The following TENM4 variants were observed in gnomAD, a reference collection of about 807,000 sequenced individuals.
TENM4 encodes the protein teneurin transmembrane protein 4.
Under a neutral mutation model 243.3 loss-of-function variants are expected in TENM4, and 82 were observed. The observed-to-expected ratio is 0.34, with a 90% CI of 0.28 to 0.40. TENM4 has a LOEUF of 0.40. Ranked by LOEUF, TENM4 falls within the 10% of genes least tolerant of loss-of-function variation. The pLI, the probability that TENM4 is intolerant of heterozygous loss-of-function variation, is 1.00. For synonymous variants in TENM4, 1,412 were observed against 1,456.3 expected (o/e 0.97, Z 0.69); for missense variants, 3,138 against 3,673.3 (o/e 0.85, Z 3.77).
At chr11:79,004,755 C>T (rs770154399) in intron 6 of TENM4, among the ~76,000 whole-genome samples, 13 of 151,734 alleles carry the variant, frequency 8.6e-5, no homozygotes, top group African/African-American at 1.2e-4. Context: ...AACATCAGAG[C>T]TGAATGGAAG....
Position 78,994,790 on chromosome 11 carries a change from CAG to C in TENM4, c.493+69946_493+69947del, listed in dbSNP as rs370326826. ...ATCAATCTCTGTTTTGTGTTAGGCA[CAG>C]GGGATTTTGTGGTGAATAAGACAAA... On this transcript the variant is annotated intron_variant, in intron 6 of 33. Coordinates refer to ENST00000278550, the MANE Select transcript of TENM4 (RefSeq NM_001098816.3). Among the ~76,000 whole-genome samples, 17 of 152,298 alleles carry C rather than the reference CAG, an allele frequency of 1.1e-4. No homozygotes were observed. In the South Asian group the frequency reaches 3.3e-3, roughly 30 times the overall value.
intron 6 of TENM4, among the ~76,000 whole-genome samples, chr11:79,001,032 A>C (rs996512855): frequency 6.6e-6 from 1 of 152,254 alleles, no homozygotes; most frequent in Admixed American, 6.5e-5. Context: ...CTCCATCTCA[A>C]AAAAAGGAAA....
chr11:78,755,997 A>G (rs1856296520), intron 19 of TENM4, among the ~76,000 whole-genome samples: 1 of 152,196 alleles, frequency 6.6e-6, no homozygotes, highest in African/African-American at 2.4e-5. Flanking sequence ...TATGCTGTTC[A>G]CTGCCCTGAT....
At chr11:79,420,316 G>C (rs1221252153) in intron 1 of TENM4, among the ~76,000 whole-genome samples, 1 of 152,158 alleles carries the variant, frequency 6.6e-6, no homozygotes, top group African/African-American at 2.4e-5. Context: ...AGAAAGAGAG[G>C]CAGCTTGCAG....
At chr11:78,844,390 T>C (rs1858334557) in intron 12 of TENM4, among the ~76,000 whole-genome samples, 1 of 152,212 alleles carries the variant, frequency 6.6e-6, no homozygotes, top group Admixed American at 6.5e-5. Context: ...ATGCCTGTAA[T>C]TCCAGCACTT....
intron 3 of TENM4, among the ~76,000 whole-genome samples, chr11:79,169,827 C>T (rs1862999062): frequency 6.6e-6 from 1 of 152,220 alleles, no homozygotes; most frequent in Non-Finnish European, 1.5e-5. Flanking sequence ...GAGATCTTAG[C>T]AGGGTCTTCC....
rs538754084 is a variant in TENM4, at chr11:79,058,755, G to C, written c.493+5983C>G. Among the ~76,000 whole-genome samples the C allele has an allele frequency of 2.0e-5, 3 of 152,268 alleles. No individual in the cohort carries two copies. In the South Asian group the frequency reaches 6.2e-4, roughly 32 times the overall value. Reference sequence around the variant, plus strand: ...TCTTTCTAGCTCACAGATTCCGAGAGGCTCAGAGGCTCTGGCTCTACCAGG... The same window carrying C: ...TCTTTCTAGCTCACAGATTCCGAGACGCTCAGAGGCTCTGGCTCTACCAGG... On this transcript the variant is annotated intron_variant, in intron 6 of 33. Coordinates refer to ENST00000278550, the MANE Select transcript of TENM4 (RefSeq NM_001098816.3).
At chr11:79,342,813 T>C (rs1002058695) in intron 1 of TENM4, among the ~76,000 whole-genome samples, 6 of 152,226 alleles carry the variant, frequency 3.9e-5, no homozygotes, top group Non-Finnish European at 8.8e-5. Flanking sequence ...TGGATTCCAG[T>C]TGGGCTCATT....
chr11:79,368,563 C>T (rs1261521463), intron 1 of TENM4, among the ~76,000 whole-genome samples: 1 of 152,224 alleles, frequency 6.6e-6, no homozygotes, highest in Non-Finnish European at 1.5e-5. Flanking sequence ...CAACTTCCAT[C>T]CTAGTGGTTA....
At chr11:79,268,570 A>T (rs1590839604) in intron 2 of TENM4, among the ~76,000 whole-genome samples, 1 of 152,278 alleles carries the variant, frequency 6.6e-6, no homozygotes, top group African/African-American at 2.4e-5. Flanking sequence ...GAATTTTGCT[A>T]TTCCCAGAAA....
intron 2 of TENM4, among the ~76,000 whole-genome samples, chr11:79,256,417 G>A (rs562466715): frequency 6.6e-6 from 1 of 152,178 alleles, no homozygotes; most frequent in Non-Finnish European, 1.5e-5. Flanking sequence ...GAGGCTGAAA[G>A]AGGGTAACTG....
At position 78,739,494 on chromosome 11, in the gene TENM4, T is replaced by C. The variant is rs114509018; in HGVS notation, c.2757-924A>G. Reference sequence around the variant, plus strand: ...TCCCTTCCACTAGATCCTGAGCTCTTTGAGGGTAGGTCAAGATTTCTTTCT... The same window carrying C: ...TCCCTTCCACTAGATCCTGAGCTCTCTGAGGGTAGGTCAAGATTTCTTTCT... On this transcript the variant is annotated intron_variant, in intron 19 of 33. Transcript: ENST00000278550. Among the ~76,000 whole-genome samples the C allele has an allele frequency of 7.1e-3, 1,076 of 152,222 alleles. 18 individuals are homozygous for C. Among genetic ancestry groups the C allele is most frequent in the African/African-American group, 0.025 (1,045 of 41,542 alleles).
At chr11:79,266,869 C>T (rs1268011998) in intron 2 of TENM4, among the ~76,000 whole-genome samples, 2 of 152,134 alleles carry the variant, frequency 1.3e-5, no homozygotes, top group African/African-American at 4.8e-5. Context: ...GATCTCTGCC[C>T]TTCAGTACCA....
At chr11:79,388,963 G>A (rs540445319) in intron 1 of TENM4, among the ~76,000 whole-genome samples, 2 of 152,284 alleles carry the variant, frequency 1.3e-5, no homozygotes, top group South Asian at 4.2e-4. Context: ...GGTGTTACTG[G>A]ACAAAGGCTG....
intron 6 of TENM4, among the ~76,000 whole-genome samples, chr11:79,037,015 C>CAAAAAAAAAAAAAAAAAAAAA (rs369421583): frequency 1.1e-5 from 1 of 91,084 alleles, no homozygotes; most frequent in African/African-American, 3.7e-5. Flanking sequence ...GACTCCATCT[C>CAAAAAAAAAAAAAAAAAAAAA]AAAAAAAAAA....
intron 2 of TENM4, among the ~76,000 whole-genome samples, chr11:79,279,184 C>A (rs1856112432): frequency 1.3e-5 from 2 of 152,332 alleles, no homozygotes; most frequent in South Asian, 4.1e-4. Context: ...GATTTCCAAT[C>A]TGATGATCTC....
intron 9 of TENM4, among the ~76,000 whole-genome samples, chr11:78,875,415 G>T (rs912958239): frequency 1.3e-5 from 2 of 152,086 alleles, no homozygotes; most frequent in Admixed American, 6.5e-5. Flanking sequence ...TGTTGGCCAG[G>T]CTATTCTCAA....
intron 1 of TENM4, among the ~76,000 whole-genome samples, chr11:79,302,421 T>C (rs1036310080): frequency 1.3e-5 from 2 of 152,234 alleles, no homozygotes; most frequent in African/African-American, 4.8e-5. Context: ...CTCTCCACCC[T>C]ATGTTTTGCC....
chr11:79,078,607 G>T (rs1298308117), intron 4 of TENM4, among the ~76,000 whole-genome samples: 1 of 152,166 alleles, frequency 6.6e-6, no homozygotes. Flanking sequence ...ACTGGAATCC[G>T]GGAGCTCTGC....
Sources: allele counts gnomAD v4.1 joint callset (sites outside exome capture counted in the v4.1 genomes callset), GRCh38; gene constraint gnomAD v4.1.1; transcripts MANE v1.5; gene names NCBI Gene and HGNC (gene_info 2026-07-23, HGNC 2026-07-21).